The following LARP4B variants were observed in gnomAD, a reference collection of about 807,000 sequenced individuals.
LARP4B encodes la-related protein 4B.
Under a neutral mutation model 89.8 loss-of-function variants are expected in LARP4B, and 12 were observed. That is an observed-to-expected ratio of 0.13 (90% CI 0.09 to 0.22). LARP4B has a LOEUF of 0.22. LARP4B is among the 10% of genes least tolerant of loss of function. The pLI is 1.00. For missense variants in LARP4B, 757 were observed against 947.7 expected, an observed-to-expected ratio of 0.80 and a Z score of 2.64; for synonymous variants, 367 against 363.3, an observed-to-expected ratio of 1.01 and a Z score of -0.12.
chr10:842,861 T>G (rs1833591696), intron 7 of LARP4B, 71 bp downstream of exon 7: 2 of 1,431,404 alleles, frequency 1.4e-6, no homozygotes, highest in Non-Finnish European at 1.9e-6. Flanking sequence ...GGCTATAGAT[T>G]TAAAGGTTCA....
At chr10:911,509 G>C (rs1158106500) in intron 1 of LARP4B, among the ~76,000 whole-genome samples, 2 of 152,232 alleles carry the variant, frequency 1.3e-5, no homozygotes, top group East Asian at 3.9e-4. Context: ...AACTTAATTT[G>C]CCTGTCAGAA....
the LARP4B span, among the ~76,000 whole-genome samples, chr10:943,875 G>A: frequency 6.6e-6 from 1 of 152,030 alleles, no homozygotes; most frequent in Admixed American, 6.6e-5. Flanking sequence ...CAACATCAGA[G>A]CCGCTGCTTT....
At chr10:862,017 CAA>C (rs1411350756) in intron 5 of LARP4B, among the ~76,000 whole-genome samples, 1 of 152,110 alleles carries the variant, frequency 6.6e-6, no homozygotes, top group Non-Finnish European at 1.5e-5. Context: ...CTGCCATTCC[CAA>C]GTCACTAACC....
chr10:948,493 C>G, the LARP4B span, among the ~76,000 whole-genome samples: 2 of 152,204 alleles, frequency 1.3e-5, no homozygotes, highest in Non-Finnish European at 2.9e-5. Flanking sequence ...GGTGATCCAC[C>G]CACCTGGGCC....
chr10:873,403 T>C (rs1313731762), intron 3 of LARP4B: 4 of 985,338 alleles, frequency 4.1e-6, no homozygotes, highest in Non-Finnish European at 4.8e-6. Context: ...GCAAGAATGC[T>C]GCGCTGTATT....
chr10:976,569 G>A, the LARP4B span, among the ~76,000 whole-genome samples: 200 of 145,826 alleles, frequency 1.4e-3, no homozygotes, highest in Non-Finnish European at 2.3e-3. Context: ...ATGTGTGGCC[G>A]GCCTAGTAGA....
intron 13 of LARP4B, among the ~76,000 whole-genome samples, chr10:821,450 C>G (rs1054478663): frequency 6.6e-6 from 1 of 152,190 alleles, no homozygotes; most frequent in Non-Finnish European, 1.5e-5. Context: ...CAAGGCCACG[C>G]CACACACGCA....
At chr10:890,095 A>C (rs1340209919) in intron 1 of LARP4B, among the ~76,000 whole-genome samples, 2 of 152,232 alleles carry the variant, frequency 1.3e-5, no homozygotes, top group African/African-American at 2.4e-5. Flanking sequence ...TTTTAGGTAC[A>C]TCTGAAAACA....
intron 11 of LARP4B, among the ~76,000 whole-genome samples, chr10:828,540 G>C (rs1425899344): frequency 2.6e-5 from 4 of 152,166 alleles, no homozygotes; most frequent in African/African-American, 9.7e-5. Flanking sequence ...CTGGCTCCCA[G>C]CCATCCGACC....
the LARP4B span, among the ~76,000 whole-genome samples, chr10:941,189 A>T: frequency 3.3e-5 from 5 of 152,216 alleles, no homozygotes; most frequent in African/African-American, 1.2e-4. Context: ...CTGGGGACTC[A>T]GCCTGCTCTT....
chr10:979,631 C>T, the LARP4B span, among the ~76,000 whole-genome samples: 75,922 of 151,988 alleles, frequency 0.5, 19,327 homozygotes, highest in East Asian at 0.62. Context: ...TAACTGGGTC[C>T]TTTGTCATCC....
chr10:862,279 A>AAAAC (rs749904539), intron 5 of LARP4B, among the ~76,000 whole-genome samples: 9,995 of 138,658 alleles, frequency 0.072, 492 homozygotes, highest in Non-Finnish European at 0.12. Context: ...AAAAAAAAAA[A>AAAAC]AACAACCGTC....
Position 885,734 on chromosome 10 carries a change from G to C in LARP4B, c.-13C>G. 3 of 1,611,248 alleles carry C rather than the reference G, an allele frequency of 1.9e-6. No individual in the cohort carries two copies. The highest frequency in any genetic ancestry group is 2.5e-6 in the Non-Finnish European group (3 of 1,177,576). ...GATCAGAAGTCATGGGCTCCACTGG[G>C]AGAAGTGTAATGCTAACCTCAGGAT... On this transcript the variant is annotated 5_prime_UTR_variant, in exon 2 of 18. Coordinates refer to ENST00000316157, the MANE Select transcript of LARP4B (RefSeq NM_015155.3).
At chr10:897,166 G>A (rs559762925) in intron 1 of LARP4B, among the ~76,000 whole-genome samples, 49 of 152,184 alleles carry the variant, frequency 3.2e-4, no homozygotes, top group African/African-American at 1.1e-3. Context: ...GCATGGTACT[G>A]GCATAGACCA....
intron 3 of LARP4B, among the ~76,000 whole-genome samples, chr10:864,507 A>G (rs931548499): frequency 6.6e-6 from 1 of 151,934 alleles, no homozygotes; most frequent in Non-Finnish European, 1.5e-5. Context: ...GCTTGCAGAG[A>G]TGGGGAAGGA....
the LARP4B span, among the ~76,000 whole-genome samples, chr10:976,169 G>A: frequency 1.3e-5 from 2 of 148,984 alleles, no homozygotes; most frequent in East Asian, 2.0e-4. Context: ...GGTGCGGCCC[G>A]CCCTAGTAGA....
chr10:851,448 T>G (rs1834046363), intron 5 of LARP4B, among the ~76,000 whole-genome samples: 1 of 152,190 alleles, frequency 6.6e-6, no homozygotes, highest in Non-Finnish European at 1.5e-5. Flanking sequence ...CCTCTCAAAG[T>G]GCTGGGATTA....
intron 14 of LARP4B, chr10:819,504 A>G (rs1832232384): frequency 6.6e-6 from 1 of 152,282 alleles, no homozygotes; most frequent in Non-Finnish European, 1.5e-5. Flanking sequence ...GAGCACGTAC[A>G]TAAGACGATG....
At chr10:879,860 GC>G (rs1245059077) in intron 3 of LARP4B, among the ~76,000 whole-genome samples, 1 of 152,074 alleles carries the variant, frequency 6.6e-6, no homozygotes, top group African/African-American at 2.4e-5. Flanking sequence ...TGCAACCTCC[GC>G]CTCCCGGGTT....
Sources: allele counts gnomAD v4.1 joint callset (sites outside exome capture counted in the v4.1 genomes callset), GRCh38; gene constraint gnomAD v4.1.1; transcripts MANE v1.5; gene names NCBI Gene and HGNC (gene_info 2026-07-23, HGNC 2026-07-21).